Variants in DMRT1 observed in about 807,000 individuals in gnomAD.
The protein encoded by DMRT1 is doublesex and mab-3 related transcription factor 1.
Under a neutral mutation model 32.3 loss-of-function variants are expected in DMRT1, and 7 were observed. The observed-to-expected ratio is 0.22, with a 90% CI of 0.12 to 0.41. The LOEUF is 0.41. Among genes scored for constraint, DMRT1 ranks in the 10% least tolerant of loss-of-function variants. The pLI, the probability that DMRT1 is intolerant of heterozygous loss-of-function variation, is 1.00. For synonymous variants in DMRT1, 278 were observed against 206.1 expected, an observed-to-expected ratio of 1.35 and a Z score of -2.99; for missense variants, 625 against 500.5, an observed-to-expected ratio of 1.25 and a Z score of -2.37.
In DMRT1 at chr9:965,592, G is replaced by T. The variant is rs1483050155; in HGVS notation, c.968-2393G>T. On this transcript the variant is annotated intron_variant, in intron 4 of 4. Coordinates refer to ENST00000382276, the MANE Select transcript of DMRT1 (RefSeq NM_021951.3). This position sits in a 1 kb window ranked among gnomAD's most constrained non-coding sequence, Gnocchi z 4.5. Reference sequence around the variant, plus strand: ...CCCAAGTTGGCTAAATGAGGAGAGGGCATCTCCCGGGGCATCTCCCAGTCA... The same window carrying T: ...CCCAAGTTGGCTAAATGAGGAGAGGTCATCTCCCGGGGCATCTCCCAGTCA... 6.6e-6 allele frequency among the ~76,000 whole-genome samples: 1 copy of T among 152,212 alleles called. No homozygotes were observed. The highest frequency in any genetic ancestry group is 1.5e-5 in the Non-Finnish European group (1 of 68,042).
At chr9:854,617 A>C (rs1815309598) in intron 2 of DMRT1, among the ~76,000 whole-genome samples, 1 of 152,142 alleles carries the variant, frequency 6.6e-6, no homozygotes, top group African/African-American at 2.4e-5. Context: ...CTGGCCACTT[A>C]AGTGAAATGA....
chr9:843,563 A>G (rs926109392), intron 1 of DMRT1, among the ~76,000 whole-genome samples: 1 of 152,208 alleles, frequency 6.6e-6, no homozygotes, highest in Non-Finnish European at 1.5e-5. Context: ...AAGGTTCGTA[A>G]GTAGGCTGGT....
intron 3 of DMRT1, among the ~76,000 whole-genome samples, chr9:902,117 CCAGGCTGGT>C (rs976251561): frequency 6.6e-6 from 1 of 150,840 alleles, no homozygotes; most frequent in Non-Finnish European, 1.5e-5. Flanking sequence ...GCCATGTTGG[CCAGGCTGGT>C]CTCAAACTCC....
intron 1 of DMRT1, 196 bp downstream of exon 1, chr9:842,388 C>A: frequency 1.5e-6 from 1 of 673,750 alleles, no homozygotes; most frequent in Non-Finnish European, 2.5e-6. Context: ...GCGCACACCA[C>A]CATGCCCGGC....
chr9:859,972 G>A (rs973975450), intron 2 of DMRT1, among the ~76,000 whole-genome samples: 14 of 152,172 alleles, frequency 9.2e-5, no homozygotes, highest in South Asian at 4.1e-4. Flanking sequence ...TTAACTACCC[G>A]TTAACTCTAG....
chr9:925,739 C>T (rs1250627666), intron 4 of DMRT1, among the ~76,000 whole-genome samples: 1 of 152,126 alleles, frequency 6.6e-6, no homozygotes, highest in Non-Finnish European at 1.5e-5. Flanking sequence ...CTGTGTATAA[C>T]TCATTTAATT....
In DMRT1 at chr9:925,918, A is replaced by C. The variant is rs77306535; in HGVS notation, c.967+9011A>C. Among the ~76,000 whole-genome samples, 1,303 of 152,206 alleles carry C rather than the reference A, an allele frequency of 8.6e-3. 16 individuals are homozygous for C. The highest frequency in any genetic ancestry group is 0.03 in the African/African-American group (1,255 of 41,510). ...AGGCCTCACTGGGCTACAGTCTAGC[A>C]CCCTCATGTTTTAAGTATTTTCAAG... is the stretch of plus-strand genomic sequence containing the variant. On this transcript the variant is annotated intron_variant, in intron 4 of 4. Coordinates refer to ENST00000382276, the MANE Select transcript of DMRT1 (RefSeq NM_021951.3).
At chr9:889,826 T>G (rs896582146) in intron 2 of DMRT1, among the ~76,000 whole-genome samples, 2 of 152,188 alleles carry the variant, frequency 1.3e-5, no homozygotes, top group South Asian at 4.1e-4. Flanking sequence ...TGGGAGGTAT[T>G]CAGTGTTTTT....
At chr9:898,401 G>A (rs556337504) in intron 3 of DMRT1, among the ~76,000 whole-genome samples, 12 of 152,348 alleles carry the variant, frequency 7.9e-5, no homozygotes, top group African/African-American at 2.9e-4. Context: ...TTACAGGCAT[G>A]AGTCACCGTG....
intron 2 of DMRT1, among the ~76,000 whole-genome samples, chr9:892,172 C>T (rs16925370): frequency 0.038 from 5,783 of 152,270 alleles, 155 homozygotes; most frequent in African/African-American, 0.078. Context: ...CTTGATGTCC[C>T]AGCAGCAGTT....
At chr9:893,757 C>T (rs1268144182) in intron 2 of DMRT1, among the ~76,000 whole-genome samples, 155 bp from the exon 3 acceptor site, 1 of 152,214 alleles carries the variant, frequency 6.6e-6, no homozygotes, top group South Asian at 2.1e-4. Context: ...TAGAAACTCT[C>T]CCTTATTTTG....
intron 4 of DMRT1, among the ~76,000 whole-genome samples, chr9:962,611 G>A (rs1819810987): frequency 6.6e-6 from 1 of 152,028 alleles, no homozygotes; most frequent in African/African-American, 2.4e-5. Flanking sequence ...TGGTCCAGGA[G>A]GGCCTGGGTG....
At chr9:859,933 G>A (rs1282205660) in intron 2 of DMRT1, among the ~76,000 whole-genome samples, 2 of 152,180 alleles carry the variant, frequency 1.3e-5, no homozygotes, top group African/African-American at 4.8e-5. Context: ...GACTTTCAAT[G>A]TTGATTTCAG....
intron 4 of DMRT1, among the ~76,000 whole-genome samples, chr9:955,465 G>A (rs544145450): frequency 1.2e-4 from 18 of 152,358 alleles, no homozygotes; most frequent in African/African-American, 4.3e-4. Flanking sequence ...AGCACTTTGG[G>A]AGGCTGAAGC....
intron 2 of DMRT1, among the ~76,000 whole-genome samples, chr9:890,881 C>A (rs140658005): frequency 6.6e-6 from 1 of 151,708 alleles, no homozygotes; most frequent in East Asian, 1.9e-4. Flanking sequence ...TGCCGATGTC[C>A]GGCTAATTTT....
intron 3 of DMRT1, among the ~76,000 whole-genome samples, chr9:907,984 G>A (rs979868149): frequency 6.6e-6 from 1 of 152,086 alleles, no homozygotes; most frequent in Non-Finnish European, 1.5e-5. Flanking sequence ...TACCACTGAT[G>A]GCAGATGGTG....
Position 953,291 on chromosome 9 carries a change from T to TC in DMRT1, c.968-14693dup, listed in dbSNP as rs1819489356. Among the ~76,000 whole-genome samples the TC allele has an allele frequency of 2.6e-5, 4 of 152,026 alleles. 1 individual carries two copies. The South Asian group carries it at 8.3e-4, about 32-fold the overall frequency. ...CCTTTATTATGGAGAAAAAAAAAAG[T>TC]CTGTGTATCTTTTTGGTCTTCTAGC... is the stretch of plus-strand genomic sequence containing the variant. On this transcript the variant is annotated intron_variant, in intron 4 of 4. Coordinates refer to ENST00000382276, the MANE Select transcript of DMRT1 (RefSeq NM_021951.3).
chr9:887,771 A>G (rs1816988114), intron 2 of DMRT1, among the ~76,000 whole-genome samples: 1 of 152,164 alleles, frequency 6.6e-6, no homozygotes, highest in Non-Finnish European at 1.5e-5. Flanking sequence ...GACATTATCT[A>G]TACTGTCACT....
intron 2 of DMRT1, among the ~76,000 whole-genome samples, chr9:874,632 C>T (rs1051106206): frequency 2.0e-5 from 3 of 151,826 alleles, no homozygotes; most frequent in African/African-American, 7.3e-5. Context: ...AAAGCAGTAC[C>T]CCTTTCTTCA....
Sources: gnomAD v4.1 joint callset for allele counts (sites outside exome capture counted in the v4.1 genomes callset) on GRCh38, gnomAD v4.1.1 for gene constraint, Gnocchi (gnomAD v3.1) non-coding constraint, MANE v1.5 for transcripts, NCBI Gene and HGNC (gene_info 2026-07-23, HGNC 2026-07-21) for gene names.